The following ATP1B3 variants were observed in gnomAD, a reference collection of about 807,000 sequenced individuals.
ATP1B3 encodes sodium/potassium-transporting ATPase subunit beta-3.
Under a neutral mutation model 30.2 loss-of-function variants are expected in ATP1B3, and 10 were observed. The observed-to-expected ratio is 0.33, with a 90% CI of 0.20 to 0.56. ATP1B3 has a LOEUF of 0.56. Among genes scored for constraint, ATP1B3 ranks in the 20% least tolerant of loss-of-function variants. ATP1B3 has a pLI of 0.90. For synonymous variants in ATP1B3, 113 were observed against 117.0 expected (o/e 0.97, Z 0.22); for missense variants, 238 against 336.7 (o/e 0.71, Z 2.29).
chr3:141,885,663 A>G (rs909083658), intron 1 of ATP1B3, among the ~76,000 whole-genome samples: 8 of 151,968 alleles, frequency 5.3e-5, no homozygotes, highest in African/African-American at 1.7e-4. Flanking sequence ...GGTCAGGCTG[A>G]TCTCGAACTC....
At chr3:141,880,300 T>G (rs1160767267) in intron 1 of ATP1B3, among the ~76,000 whole-genome samples, 3 of 152,220 alleles carry the variant, frequency 2.0e-5, no homozygotes, top group African/African-American at 7.2e-5. Context: ...TTACAGCAGT[T>G]TCAAAATGCT....
At chr3:141,879,068 CTGTA>C (rs1339208452) in intron 1 of ATP1B3, among the ~76,000 whole-genome samples, 1 of 152,168 alleles carries the variant, frequency 6.6e-6, no homozygotes, top group Non-Finnish European at 1.5e-5. Context: ...CTTGAAGGGA[CTGTA>C]TGGGCTTGCT....
intron 1 of ATP1B3, among the ~76,000 whole-genome samples, chr3:141,881,343 TAAAACTC>T (rs1933722863): frequency 6.6e-6 from 1 of 152,196 alleles, no homozygotes; most frequent in African/African-American, 2.4e-5. Flanking sequence ...AATATTAACT[TAAAACTC>T]AAGTCAGTGA....
intron 1 of ATP1B3, among the ~76,000 whole-genome samples, chr3:141,886,648 C>A (rs1933839984): frequency 6.6e-6 from 1 of 152,194 alleles, no homozygotes; most frequent in Admixed American, 6.5e-5. Context: ...TCTAGTTCCA[C>A]ATCTCTGTTA....
chr3:141,911,066 A>G (rs1443131505), intron 3 of ATP1B3, among the ~76,000 whole-genome samples: 1 of 151,858 alleles, frequency 6.6e-6, no homozygotes, highest in Non-Finnish European at 1.5e-5. Context: ...CTGTCTCTAA[A>G]GTATTTTGCT....
rs531736915 is a variant in ATP1B3 at position 141,911,830 on chromosome 3, A to G, written c.347-1822A>G. Among the ~76,000 whole-genome samples the G allele has an allele frequency of 2.0e-5, 3 of 152,232 alleles. No homozygotes were observed. The South Asian group carries it at 6.2e-4, about 32-fold the overall frequency. ...CTTATTTTAGGCGTTCTTCAGATGC[A>G]TAGGGCTCCTTGGTTACTCTGGGGT... On this transcript the variant is annotated intron_variant, in intron 3 of 6. Transcript: ENST00000286371.
At chr3:141,917,449 A>C (rs1934486173) in intron 5 of ATP1B3, among the ~76,000 whole-genome samples, 1 of 151,950 alleles carries the variant, frequency 6.6e-6, no homozygotes, top group Admixed American at 6.6e-5. Context: ...TAATCCTGGC[A>C]CTTTGGGAGG....
intron 1 of ATP1B3, chr3:141,877,671 TC>T (rs1933631791): frequency 6.6e-6 from 1 of 151,732 alleles, no homozygotes; most frequent in Admixed American, 6.6e-5. Context: ...TTTTTTTTTT[TC>T]CCGTGTCTTC....
chr3:141,920,222 A>G lies in ATP1B3; in HGVS notation c.583-1755A>G, dbSNP rs192591922. 3.9e-5 allele frequency among the ~76,000 whole-genome samples: 6 copies of G among 152,224 alleles called. No homozygotes were observed. In the East Asian group the frequency reaches 7.7e-4, roughly 20 times the overall value. ...TGCTCCGTAATTGATGCTGTCCACTAAGGCTTGTTAGGCCTAAAGGAGGGA... is the reference window on the plus strand; with the variant it reads ...TGCTCCGTAATTGATGCTGTCCACTGAGGCTTGTTAGGCCTAAAGGAGGGA... On this transcript the variant is annotated intron_variant, in intron 5 of 6. Transcript: ENST00000286371.
chr3:141,908,068 CT>C (rs56374653), intron 3 of ATP1B3, among the ~76,000 whole-genome samples: 27,237 of 109,864 alleles, frequency 0.25, 2,206 homozygotes, highest in African/African-American at 0.32. Flanking sequence ...GCCAGGCATT[CT>C]TTTTTTTTTT....
intron 3 of ATP1B3, 129 bp from the exon 4 acceptor site, chr3:141,913,509 TTAACATTCTTTCCC>T (rs1399149566): frequency 1.5e-6 from 1 of 670,370 alleles, no homozygotes; most frequent in Non-Finnish European, 2.4e-6. Flanking sequence ...AGGGGCAAAC[TTAACATTCTTTCCC>T]TAAAGTTATC....
intron 1 of ATP1B3, among the ~76,000 whole-genome samples, chr3:141,883,536 A>G (rs1933772951): frequency 6.6e-6 from 1 of 152,196 alleles, no homozygotes. Flanking sequence ...AAGACTCAAC[A>G]AAATAAAATA....
chr3:141,907,221 C>T lies in ATP1B3; in HGVS notation c.293C>T (p.Ser98Phe). 1.2e-6 allele frequency: 2 copies of T among 1,612,890 alleles called. No homozygotes were observed. Among genetic ancestry groups the T allele is most frequent in the Non-Finnish European group, 1.7e-6 (2 of 1,179,580 alleles). Residue 98 changes from serine to phenylalanine, a missense_variant, in exon 3 of 7, where the codon TCT becomes TTT. This residue lies in a region of ATP1B3 where 130 missense variants were observed against 148.8 expected (regional missense o/e 0.87). Coordinates refer to ENST00000286371, the MANE Select transcript of ATP1B3 (RefSeq NM_001679.4). ...GCATTGGAATATACATTCAGTAGGTCTGATCCAACTTCGTATGCAGGGTAC... is the reference window on the plus strand; with the variant it reads ...GCATTGGAATATACATTCAGTAGGTTTGATCCAACTTCGTATGCAGGGTAC... ...VTALEYTFSR[S>F]DPTSYAGYIE...
At chr3:141,915,391 A>G (rs1307128786) in intron 4 of ATP1B3, among the ~76,000 whole-genome samples, 1 of 152,250 alleles carries the variant, frequency 6.6e-6, no homozygotes, top group African/African-American at 2.4e-5. Context: ...TAAATTCAGA[A>G]TGCCAAAAAA....
intron 1 of ATP1B3, among the ~76,000 whole-genome samples, chr3:141,891,076 T>C (rs762540117): frequency 4.6e-5 from 7 of 152,226 alleles, no homozygotes; most frequent in Non-Finnish European, 7.3e-5. Flanking sequence ...TCTTAATCAC[T>C]TATCCCTATA....
At position 141,908,372 on chromosome 3, in the gene ATP1B3, C is replaced by T. The variant is rs571848462; in HGVS notation, c.346+1098C>T. On this transcript the variant is annotated intron_variant, in intron 3 of 6. Transcript: ENST00000286371. ...GCCTGCTGGTTCATGATCAGCTCAT[C>T]TCTTCCTCAGCCACAGACACCTGCA... Among the ~76,000 whole-genome samples the T allele has an allele frequency of 2.0e-3, 302 of 152,268 alleles. 2 individuals are homozygous for T. Among genetic ancestry groups the T allele is most frequent in the African/African-American group, 6.9e-3 (287 of 41,532 alleles).
chr3:141,878,958 A>G (rs1233588399), intron 1 of ATP1B3, among the ~76,000 whole-genome samples: 1 of 152,128 alleles, frequency 6.6e-6, no homozygotes, highest in East Asian at 1.9e-4. Context: ...CTGCCTAGAG[A>G]AGGGGCACCT....
At chr3:141,890,638 A>G (rs1256809511) in intron 1 of ATP1B3, among the ~76,000 whole-genome samples, 2 of 148,432 alleles carry the variant, frequency 1.3e-5, no homozygotes, top group Non-Finnish European at 2.9e-5. Flanking sequence ...GGGTTTTGCC[A>G]TGTTGCCCAG....
intron 6 of ATP1B3, among the ~76,000 whole-genome samples, chr3:141,923,246 C>A (rs1934598032): frequency 6.6e-6 from 1 of 151,076 alleles, no homozygotes; most frequent in Non-Finnish European, 1.5e-5. Flanking sequence ...CCATTGCACT[C>A]CAGCCTGGGC....
Sources: allele counts gnomAD v4.1 joint callset (sites outside exome capture counted in the v4.1 genomes callset), GRCh38; gene constraint gnomAD v4.1.1; regional missense constraint gnomAD v4.1.1; transcripts MANE v1.5; gene names NCBI Gene and HGNC (gene_info 2026-07-23, HGNC 2026-07-21).